Variants in GRIN3A observed in about 807,000 individuals in gnomAD.
GRIN3A encodes glutamate receptor ionotropic, NMDA 3A.
A neutral mutation model predicts 92.4 loss-of-function variants in GRIN3A; 47 were observed. The ratio of observed to expected loss-of-function variants is 0.51; its 90% CI spans 0.40 to 0.65. GRIN3A has a LOEUF of 0.65. GRIN3A is among the 30% of genes least tolerant of loss of function. GRIN3A has a pLI of 0.00. For missense variants in GRIN3A, 1,324 were observed against 1,393.1 expected, an observed-to-expected ratio of 0.95 and a Z score of 0.79; for synonymous variants, 527 against 540.6, an observed-to-expected ratio of 0.97 and a Z score of 0.35.
At chr9:101,597,712 C>A (rs1828155635) in intron 6 of GRIN3A, among the ~76,000 whole-genome samples, 2 of 152,092 alleles carry the variant, frequency 1.3e-5, no homozygotes, top group South Asian at 4.1e-4. Flanking sequence ...AATAGAACAG[C>A]AGATAATTGA....
intron 5 of GRIN3A, among the ~76,000 whole-genome samples, chr9:101,620,091 G>A (rs1467029945): frequency 6.6e-6 from 1 of 152,150 alleles, no homozygotes; most frequent in African/African-American, 2.4e-5. Flanking sequence ...AAGTTTGGAG[G>A]GATAGTTAAT....
intron 8 of GRIN3A, among the ~76,000 whole-genome samples, chr9:101,577,350 A>G (rs1827838684): frequency 1.3e-5 from 2 of 152,178 alleles, no homozygotes; most frequent in Non-Finnish European, 1.5e-5. Flanking sequence ...AATAATAGCT[A>G]ATATTTATTA....
intron 3 of GRIN3A, among the ~76,000 whole-genome samples, chr9:101,665,410 A>C (rs1307616580): frequency 6.6e-6 from 1 of 151,946 alleles, no homozygotes; most frequent in Non-Finnish European, 1.5e-5. Flanking sequence ...CACAGCAGGC[A>C]GGTGTTCAAG....
At chr9:101,648,728 C>A (rs1360144442) in intron 3 of GRIN3A, among the ~76,000 whole-genome samples, 1 of 151,976 alleles carries the variant, frequency 6.6e-6, no homozygotes, top group African/African-American at 2.4e-5. Context: ...TTTGTCACTG[C>A]TGGAGCTTTG....
chr9:101,736,752 A>G (rs1830210830), intron 1 of GRIN3A, among the ~76,000 whole-genome samples: 1 of 152,194 alleles, frequency 6.6e-6, no homozygotes, highest in South Asian at 2.1e-4. Flanking sequence ...ATTCAGAGCG[A>G]TGTGCTTTCT....
At chr9:101,607,962 C>T (rs114126396) in intron 6 of GRIN3A, among the ~76,000 whole-genome samples, 347 of 152,288 alleles carry the variant, frequency 2.3e-3, no homozygotes, top group African/African-American at 8.0e-3. Context: ...CATTTAATTA[C>T]GTTCTATCTT....
intron 1 of GRIN3A, among the ~76,000 whole-genome samples, chr9:101,710,875 T>C (rs1251183300): frequency 1.3e-5 from 2 of 152,190 alleles, no homozygotes; most frequent in African/African-American, 4.8e-5. Flanking sequence ...AATTGGAAAA[T>C]TGCAGTCTCC....
chr9:101,615,842 AG>A (rs76328060), intron 5 of GRIN3A, among the ~76,000 whole-genome samples: 18,253 of 152,060 alleles, frequency 0.12, 1,916 homozygotes, highest in African/African-American at 0.29. Flanking sequence ...CTATTGACCC[AG>A]GGAGGAAAAA....
intron 1 of GRIN3A, among the ~76,000 whole-genome samples, chr9:101,690,464 A>T (rs199791397): frequency 6.6e-6 from 1 of 152,050 alleles, no homozygotes; most frequent in Non-Finnish European, 1.5e-5. Flanking sequence ...ATGGCTGGGG[A>T]ATGTGTGTGC....
intron 3 of GRIN3A, among the ~76,000 whole-genome samples, chr9:101,646,520 A>G (rs1828940452): frequency 6.6e-6 from 1 of 151,822 alleles, no homozygotes; most frequent in Non-Finnish European, 1.5e-5. Context: ...GGGTTACATT[A>G]CAATTTTAGA....
At chr9:101,630,021 C>T (rs1275329573) in intron 3 of GRIN3A, among the ~76,000 whole-genome samples, 2 of 152,194 alleles carry the variant, frequency 1.3e-5, no homozygotes, top group African/African-American at 4.8e-5. Flanking sequence ...CCTTGAACCC[C>T]CGGGGCTGTT....
intron 4 of GRIN3A, among the ~76,000 whole-genome samples, chr9:101,625,919 C>G (rs1828628990): frequency 6.6e-6 from 1 of 152,110 alleles, no homozygotes; most frequent in African/African-American, 2.4e-5. Flanking sequence ...TTTTTAAAAC[C>G]AGTAATTCAT....
intron 3 of GRIN3A, among the ~76,000 whole-genome samples, chr9:101,644,197 C>T (rs1258224400): frequency 6.6e-6 from 1 of 151,730 alleles, no homozygotes; most frequent in Non-Finnish European, 1.5e-5. Context: ...ACTTATTAAA[C>T]TCCAAATCAA....
intron 1 of GRIN3A, among the ~76,000 whole-genome samples, chr9:101,734,614 G>A (rs1420261017): frequency 6.6e-6 from 1 of 151,770 alleles, no homozygotes; most frequent in Admixed American, 6.6e-5. Context: ...TTTTCTCAGG[G>A]GTTTGTCCAT....
At chr9:101,588,576 A>G (rs1283759647) in intron 6 of GRIN3A, among the ~76,000 whole-genome samples, 1 of 152,120 alleles carries the variant, frequency 6.6e-6, no homozygotes, top group Non-Finnish European at 1.5e-5. Context: ...TGAAAAATTT[A>G]TTATTAAAAC....
intron 3 of GRIN3A, among the ~76,000 whole-genome samples, chr9:101,629,166 A>G (rs1828679659): frequency 6.6e-6 from 1 of 152,174 alleles, no homozygotes; most frequent in Non-Finnish European, 1.5e-5. Flanking sequence ...GTTTCATAAA[A>G]CAAGGCAAAT....
At chr9:101,598,528 G>T (rs1393866715) in intron 6 of GRIN3A, among the ~76,000 whole-genome samples, 1 of 152,170 alleles carries the variant, frequency 6.6e-6, no homozygotes, top group African/African-American at 2.4e-5. Context: ...CCTTGGACAA[G>T]TTGCTTGACA....
chr9:101,635,850 TA>T, intron 3 of GRIN3A, among the ~76,000 whole-genome samples: 1 of 152,334 alleles, frequency 6.6e-6, no homozygotes, highest in East Asian at 1.9e-4. Context: ...GCTGAGGTTA[TA>T]AAAATTGGCC....
At chr9:101,687,752 T>A (rs978545441) in intron 1 of GRIN3A, among the ~76,000 whole-genome samples, 2 of 152,216 alleles carry the variant, frequency 1.3e-5, no homozygotes, top group African/African-American at 4.8e-5. Context: ...TAATTTTCAA[T>A]ACATACATCA....
Sources: gnomAD v4.1 joint callset for allele counts (sites outside exome capture counted in the v4.1 genomes callset) on GRCh38, gnomAD v4.1.1 for gene constraint, MANE v1.5 for transcripts, NCBI Gene and HGNC (gene_info 2026-07-23, HGNC 2026-07-21) for gene names.